Variants in ENOX2 observed in about 807,000 individuals in gnomAD.
The protein encoded by ENOX2 is APK1 antigen.
A neutral mutation model predicts 45.0 loss-of-function variants in ENOX2; 36 were observed. That is an observed-to-expected ratio of 0.80 (90% CI 0.61 to 1.06). The LOEUF is 1.06. Ranked by LOEUF, ENOX2 falls within the 50% of genes least tolerant of loss-of-function variation. The pLI, the probability that ENOX2 is intolerant of heterozygous loss-of-function variation, is 0.00. For missense variants in ENOX2, 423 were observed against 462.5 expected, an observed-to-expected ratio of 0.91 and a Z score of 0.78; for synonymous variants, 174 against 152.3, an observed-to-expected ratio of 1.14 and a Z score of -1.05.
chrX:130,752,280 T>G (rs1367138292), intron 3 of ENOX2, among the ~76,000 whole-genome samples: 2 of 109,980 alleles, frequency 1.8e-5, no homozygotes, highest in African/African-American at 3.3e-5. Flanking sequence ...CATTCATCTC[T>G]CAGTTTGTCT....
intron 3 of ENOX2, among the ~76,000 whole-genome samples, chrX:130,713,135 G>C (rs1010475621): frequency 5.3e-5 from 6 of 112,153 alleles, no homozygotes; most frequent in African/African-American, 1.9e-4. Flanking sequence ...GAGACAACAC[G>C]TTTAACCACT....
chrX:130,673,436 G>A (rs1011142969), intron 6 of ENOX2, among the ~76,000 whole-genome samples: 2 of 106,539 alleles, frequency 1.9e-5, no homozygotes, highest in African/African-American at 6.9e-5. Flanking sequence ...ACAAAGCAAC[G>A]AGAAAAACAA....
At chrX:130,797,221 C>T (rs1468913945) in intron 2 of ENOX2, among the ~76,000 whole-genome samples, 1 of 111,692 alleles carries the variant, frequency 9.0e-6, no homozygotes, top group Admixed American at 9.5e-5. Context: ...AAGCCAATTT[C>T]TCTGATTAAA....
chrX:130,877,142 A>G (rs1372213995), intron 2 of ENOX2, among the ~76,000 whole-genome samples: 1 of 111,914 alleles, frequency 8.9e-6, no homozygotes, highest in Non-Finnish European at 1.9e-5. Flanking sequence ...GAAATAAATG[A>G]GTACTTACAT....
chrX:130,627,047 C>T (rs756771399), intron 14 of ENOX2, among the ~76,000 whole-genome samples: 7 of 111,434 alleles, frequency 6.3e-5, no homozygotes, highest in Non-Finnish European at 1.3e-4. Context: ...GCTCCAGATG[C>T]CCTAGGAGTT....
At chrX:130,766,191 T>C (rs2039612667) in intron 3 of ENOX2, among the ~76,000 whole-genome samples, 1 of 111,674 alleles carries the variant, frequency 9.0e-6, no homozygotes, top group Non-Finnish European at 1.9e-5. Flanking sequence ...GATTTGCATT[T>C]TCCTGATTCA....
intron 4 of ENOX2, among the ~76,000 whole-genome samples, chrX:130,695,163 C>T (rs1603308026): frequency 8.9e-6 from 1 of 111,896 alleles, no homozygotes; most frequent in Non-Finnish European, 1.9e-5. Context: ...TATCTACCTA[C>T]TCAACCTTGT....
intron 3 of ENOX2, among the ~76,000 whole-genome samples, chrX:130,733,217 T>G (rs1263102987): frequency 8.9e-6 from 1 of 112,139 alleles, no homozygotes; most frequent in East Asian, 2.8e-4. Context: ...GTTAAGGACT[T>G]GAACAGACAT....
chrX:130,870,335 T>C (rs2078555218), intron 2 of ENOX2, among the ~76,000 whole-genome samples: 1 of 112,283 alleles, frequency 8.9e-6, no homozygotes, highest in Non-Finnish European at 1.9e-5. Flanking sequence ...AGCTATATCA[T>C]CTTTCGTAAA....
chrX:130,764,639 T>C lies in ENOX2; in HGVS notation c.-39+18908A>G, dbSNP rs1485053157. On this transcript the variant is annotated intron_variant, in intron 3 of 14. Coordinates refer to ENST00000394363, the MANE Select transcript of ENOX2 (RefSeq NM_006375.4). ...TGCAGATCCAGGCTAAGAGCACAAT[T>C]TTTTCTCTAACAACTGATTCATCAT... 5.4e-5 allele frequency among the ~76,000 whole-genome samples: 6 copies of C among 110,841 alleles called. No individual in the cohort carries two copies. The Admixed American group carries it at 5.8e-4, about 11-fold the overall frequency.
At chrX:130,782,408 C>T (rs188652364) in intron 3 of ENOX2, among the ~76,000 whole-genome samples, 29 of 111,231 alleles carry the variant, frequency 2.6e-4, no homozygotes, top group African/African-American at 9.1e-4. Context: ...GAGATAAAAC[C>T]AGGATTAGAA....
chrX:130,857,146 A>G (rs949474418), intron 2 of ENOX2, among the ~76,000 whole-genome samples: 2 of 112,400 alleles, frequency 1.8e-5, no homozygotes, highest in Non-Finnish European at 3.8e-5. Flanking sequence ...CATACTACTG[A>G]TAACGCTCAA....
intron 5 of ENOX2, among the ~76,000 whole-genome samples, chrX:130,686,837 G>A (rs931303237): frequency 8.9e-6 from 1 of 112,254 alleles, no homozygotes; most frequent in African/African-American, 3.2e-5. Context: ...TTTACTTTAA[G>A]CTGTGTCAAG....
At chrX:130,860,658 T>C (rs904187555) in intron 2 of ENOX2, among the ~76,000 whole-genome samples, 1 of 111,450 alleles carries the variant, frequency 9.0e-6, no homozygotes, top group Non-Finnish European at 1.9e-5. Context: ...ATAATGTATC[T>C]GAATCTAACC....
chrX:130,886,827 G>C (rs915211603), intron 2 of ENOX2, among the ~76,000 whole-genome samples: 1 of 112,154 alleles, frequency 8.9e-6, no homozygotes, highest in Admixed American at 9.4e-5. Flanking sequence ...AAATACAGGA[G>C]TTAATAAACT....
Position 130,903,130 on chromosome X carries a change from G to A in ENOX2, c.-312C>T, listed in dbSNP as rs2079178132. ...CGGCGCGGCAGTTCCTGGGCTCGTAGTGCCCTCGCGGCGCCCCACGCCGCG... is the reference window on the plus strand; with the variant it reads ...CGGCGCGGCAGTTCCTGGGCTCGTAATGCCCTCGCGGCGCCCCACGCCGCG... On this transcript the variant is annotated 5_prime_UTR_variant, in exon 1 of 15. Transcript: ENST00000394363. 1 of 112,756 alleles carries A rather than the reference G, an allele frequency of 8.9e-6. No homozygotes were observed. The highest frequency in any genetic ancestry group is 1.9e-5 in the Non-Finnish European group (1 of 53,242). The allele number at this position is 112,756 out of a possible 1,213,427, so 9.3% of individuals were successfully genotyped here.
chrX:130,780,820 C>T (rs1042248709), intron 3 of ENOX2, among the ~76,000 whole-genome samples: 3 of 111,251 alleles, frequency 2.7e-5, no homozygotes, highest in African/African-American at 9.8e-5. Flanking sequence ...AAATATCCCT[C>T]CCTCGTTTGC....
chrX:130,810,255 C>T (rs1233140494), intron 2 of ENOX2, among the ~76,000 whole-genome samples: 1 of 110,828 alleles, frequency 9.0e-6, no homozygotes, highest in African/African-American at 3.3e-5. Flanking sequence ...ACAGACTGAA[C>T]CTCTAAGCCC....
intron 10 of ENOX2, among the ~76,000 whole-genome samples, chrX:130,647,316 T>C (rs1487468785): frequency 8.9e-6 from 1 of 112,683 alleles, no homozygotes; most frequent in Non-Finnish European, 1.9e-5. Context: ...TCATTCTTTA[T>C]TGCTTTCAGC....
Sources: allele counts gnomAD v4.1 joint callset (sites outside exome capture counted in the v4.1 genomes callset), GRCh38; gene constraint gnomAD v4.1.1; transcripts MANE v1.5; gene names NCBI Gene and HGNC (gene_info 2026-07-23, HGNC 2026-07-21).